VAV1: variants seen among roughly 807,000 people sequenced by gnomAD.
The protein encoded by VAV1 is vav guanine nucleotide exchange factor 1, also known as proto-oncogene vav.
A neutral mutation model predicts 128.1 loss-of-function variants in VAV1; 33 were observed. The observed-to-expected ratio is 0.26, with a 90% CI of 0.20 to 0.34. VAV1 has a LOEUF of 0.34. Among genes scored for constraint, VAV1 ranks in the 10% least tolerant of loss-of-function variants. The pLI, the probability that VAV1 is intolerant of heterozygous loss-of-function variation, is 1.00. For synonymous variants in VAV1, 394 were observed against 409.8 expected, an observed-to-expected ratio of 0.96 and a Z score of 0.47; for missense variants, 715 against 1,093.7, an observed-to-expected ratio of 0.65 and a Z score of 4.88.
intron 7 of VAV1, 86 bp from the exon 8 acceptor site, chr19:6,825,217 G>C: frequency 6.4e-7 from 1 of 1,572,644 alleles, no homozygotes; most frequent in Non-Finnish European, 8.7e-7. Context: ...GGAGTTGAGC[G>C]GCATGGGGCG....
intron 21 of VAV1, 57 bp from the exon 22 acceptor site, chr19:6,843,078 C>T: frequency 6.4e-7 from 1 of 1,571,526 alleles, no homozygotes. Context: ...GTGCCCTGCC[C>T]TCTGCTGTCA....
chr19:6,851,373 G>A (rs1166779028), intron 24 of VAV1, among the ~76,000 whole-genome samples: 1 of 151,894 alleles, frequency 6.6e-6, no homozygotes, highest in Non-Finnish European at 1.5e-5. Flanking sequence ...GTAGAGATGG[G>A]GACTTGCTTT....
At chr19:6,848,172 A>C (rs1489309475) in intron 23 of VAV1, 58 bp downstream of exon 23, 2 of 1,448,428 alleles carry the variant, frequency 1.4e-6, no homozygotes, top group African/African-American at 1.5e-5. Flanking sequence ...CGGGCCTGGG[A>C]AAAAGGGTAT....
intron 1 of VAV1, among the ~76,000 whole-genome samples, chr19:6,781,932 A>T (rs916906865): frequency 1.3e-5 from 2 of 152,162 alleles, no homozygotes; most frequent in Admixed American, 6.6e-5. Context: ...AGGTTGACTT[A>T]AATTGCAAGT....
At chr19:6,798,232 G>A (rs556338095) in intron 1 of VAV1, among the ~76,000 whole-genome samples, 3 of 152,002 alleles carry the variant, frequency 2.0e-5, no homozygotes, top group East Asian at 1.9e-4. Flanking sequence ...AGCGGAGATC[G>A]CATCATTGCA....
At chr19:6,783,365 A>G (rs1401931948) in intron 1 of VAV1, among the ~76,000 whole-genome samples, 1 of 151,146 alleles carries the variant, frequency 6.6e-6, no homozygotes, top group African/African-American at 2.4e-5. Flanking sequence ...CCATCATCTC[A>G]TGGTCTTAGC....
Position 6,828,520 on chromosome 19 carries a change from G to A in VAV1, c.1092+33G>A, listed in dbSNP as rs1328357503. On this transcript the variant is annotated intron_variant, in intron 11 of 26. Transcript: ENST00000602142. The surrounding 1 kb of genome is among the most constrained non-coding windows in gnomAD (Gnocchi z 4.5). The stretch of plus-strand genomic sequence containing the variant: ...GGTGTAGGGTGCTGGTGACTCACCT[G>A]CTGCAGACACCCTCCTGGTAGGGGC... The A allele has an allele frequency of 6.2e-7, 1 of 1,613,958 alleles. No individual in the cohort carries two copies. Among genetic ancestry groups the A allele is most frequent in the Non-Finnish European group, 8.5e-7 (1 of 1,179,854 alleles).
At chr19:6,789,716 G>GCCT (rs1970976113) in intron 1 of VAV1, among the ~76,000 whole-genome samples, 1 of 152,136 alleles carries the variant, frequency 6.6e-6, no homozygotes, top group Admixed American at 6.5e-5. Flanking sequence ...TCCTGCCTTG[G>GCCT]CCTCCAGAGT....
intron 8 of VAV1, among the ~76,000 whole-genome samples, chr19:6,825,710 G>A (rs1971901470): frequency 6.6e-6 from 1 of 152,170 alleles, no homozygotes; most frequent in South Asian, 2.1e-4. Flanking sequence ...CATAGTAGAT[G>A]CTCAATAAGT....
intron 1 of VAV1, among the ~76,000 whole-genome samples, chr19:6,813,693 T>C (rs578149849): frequency 3.8e-4 from 58 of 152,306 alleles, no homozygotes; most frequent in African/African-American, 1.3e-3. Context: ...AAAGCCATTC[T>C]GGGGTTTTTA....
Position 6,822,097 on chromosome 19 carries a change from T to C in VAV1, c.450-124T>C, listed in dbSNP as rs1197802300. 9.3e-7 allele frequency: 1 copy of C among 1,070,994 alleles called. No individual in the cohort carries two copies. The highest frequency in any genetic ancestry group is 1.6e-5 in the African/African-American group (1 of 63,600). The allele number at this position is 1,070,994 out of a possible 1,614,324, so 66.3% of individuals were successfully genotyped here. A position where few individuals can be genotyped will look rare whatever the true frequency, so the allele number is the denominator to read the frequency against. The stretch of plus-strand genomic sequence containing the variant: ...CCCTGGAGCTTGGAGGGACATGGCC[T>C]GCCCTTGGAGTCTGAGGTCCCACCC... On this transcript the variant is annotated intron_variant, in intron 4 of 26. Transcript: ENST00000602142. The surrounding 1 kb of genome is among the most constrained non-coding windows in gnomAD (Gnocchi z 5.9).
chr19:6,779,963 T>C (rs1164689273), intron 1 of VAV1, among the ~76,000 whole-genome samples: 3 of 148,686 alleles, frequency 2.0e-5, no homozygotes, highest in African/African-American at 4.9e-5. Context: ...TACAAAAAAT[T>C]AGCCGGGCGT....
In VAV1 at chr19:6,833,518, T is replaced by C. The variant is rs561810660; in HGVS notation, c.1611-10T>C. 2 of 1,589,954 alleles carry C rather than the reference T, an allele frequency of 1.3e-6. No individual in the cohort carries two copies. Among genetic ancestry groups the C allele is most frequent in the South Asian group, 1.1e-5 (1 of 88,028 alleles). On this transcript the variant is annotated splice_polypyrimidine_tract_variant and intron_variant, in intron 16 of 26. Coordinates refer to ENST00000602142, the MANE Select transcript of VAV1 (RefSeq NM_005428.4). Reference sequence around the variant, plus strand: ...CACTCGCTCTTCTTTATGTGTTCCCTGCATCTCAGAGGTACCTTCTATCAG... The same window carrying C: ...CACTCGCTCTTCTTTATGTGTTCCCCGCATCTCAGAGGTACCTTCTATCAG...
intron 1 of VAV1, among the ~76,000 whole-genome samples, chr19:6,792,483 G>A (rs962157505): frequency 7.2e-5 from 11 of 152,174 alleles, no homozygotes; most frequent in African/African-American, 2.7e-4. Flanking sequence ...AGGAAGACTA[G>A]GGGAGGAACA....
At chr19:6,851,905 C>T (rs1568320067) in intron 24 of VAV1, among the ~76,000 whole-genome samples, 1 of 152,048 alleles carries the variant, frequency 6.6e-6, no homozygotes, top group Non-Finnish European at 1.5e-5. Context: ...TTTTTTTCCT[C>T]CATACTTTTT....
At position 6,822,861 on chromosome 19, in the gene VAV1, A is replaced by T. The variant is rs1971829624; in HGVS notation, c.654+347A>T. On this transcript the variant is annotated intron_variant, in intron 6 of 26. Transcript: ENST00000602142. The surrounding 1 kb of genome is among the most constrained non-coding windows in gnomAD (Gnocchi z 5.9). The stretch of plus-strand genomic sequence containing the variant: ...TATAAATATATACAAAGTATATATA[A>T]AAATATAAACATATAATATGTATAA... Among the ~76,000 whole-genome samples the T allele has an allele frequency of 6.8e-6, 1 of 147,462 alleles. No homozygotes were observed. The highest frequency in any genetic ancestry group is 1.5e-5 in the Non-Finnish European group (1 of 66,888).
rs1388867880 is a variant in VAV1, at chr19:6,825,418, C to A, written c.827+12C>A. ...AAATACAAGGAGAGGTGAGACCCAGCTGGCCAGACTGAAGCTCTGGGGTCA... is the reference window on the plus strand; with the variant it reads ...AAATACAAGGAGAGGTGAGACCCAGATGGCCAGACTGAAGCTCTGGGGTCA... On this transcript the variant is annotated intron_variant, in intron 8 of 26. Transcript: ENST00000602142. 2 of 1,603,908 alleles carry A rather than the reference C, an allele frequency of 1.2e-6. No individual in the cohort carries two copies. The highest frequency in any genetic ancestry group is 1.7e-6 in the Non-Finnish European group (2 of 1,172,318).
chr19:6,844,060 CTTCTTTTTTTTTTTTTTTTTTTTTTT>C (rs1972450579), intron 22 of VAV1, among the ~76,000 whole-genome samples: 2 of 18,798 alleles, frequency 1.1e-4, no homozygotes, highest in African/African-American at 3.6e-4. Context: ...TCTTCTTCTT[CTTCTTTTTTTTTTTTTTTTTTTTTTT>C]TTTTTTTTTT....
rs369264328 is a variant in VAV1 at position 6,777,532 on chromosome 19, G to C, written c.204+4521G>C. ...AGTGGTAAGGTGACATTGCAGCAGA[G>C]ACCTGGGGAAAATTAAGGAATGAAT... On this transcript the variant is annotated intron_variant, in intron 1 of 26. Transcript: ENST00000602142. The surrounding 1 kb of genome is among the most constrained non-coding windows in gnomAD (Gnocchi z 4.4). 6.6e-6 allele frequency among the ~76,000 whole-genome samples: 1 copy of C among 152,172 alleles called. No individual in the cohort carries two copies. The highest frequency in any genetic ancestry group is 1.5e-5 in the Non-Finnish European group (1 of 68,038).
Sources: gnomAD v4.1 joint callset for allele counts (sites outside exome capture counted in the v4.1 genomes callset) on GRCh38, gnomAD v4.1.1 for gene constraint, Gnocchi (gnomAD v3.1) non-coding constraint, MANE v1.5 for transcripts, NCBI Gene and HGNC (gene_info 2026-07-23, HGNC 2026-07-21) for gene names.